Variants in RSRC1 observed in about 807,000 individuals in gnomAD.
RSRC1 encodes arginine and serine rich coiled-coil 1, also known as serine/Arginine-related protein 53.
A neutral mutation model predicts 49.1 loss-of-function variants in RSRC1; 39 were observed. The ratio of observed to expected loss-of-function variants is 0.79; its 90% CI spans 0.61 to 1.04. The LOEUF is 1.04. RSRC1 is among the 50% of genes least tolerant of loss of function. The pLI, the probability that RSRC1 is intolerant of heterozygous loss-of-function variation, is 0.00. For synonymous variants in RSRC1, 143 were observed against 130.8 expected, an observed-to-expected ratio of 1.09 and a Z score of -0.63; for missense variants, 388 against 402.4, an observed-to-expected ratio of 0.96 and a Z score of 0.31.
At chr3:158,401,413 GTTTA>G (rs1264309650) in intron 6 of RSRC1, among the ~76,000 whole-genome samples, 6 of 151,902 alleles carry the variant, frequency 3.9e-5, no homozygotes, top group African/African-American at 1.2e-4. Flanking sequence ...TTATTTCTTT[GTTTA>G]TTTATTTATT....
chr3:158,472,183 T>C (rs962142744), intron 7 of RSRC1, among the ~76,000 whole-genome samples: 1 of 152,134 alleles, frequency 6.6e-6, no homozygotes. Flanking sequence ...CAAGATAAGG[T>C]TGTTTTTTAT....
Position 158,250,939 on chromosome 3 carries a change from A to G in RSRC1, c.495-47100A>G, listed in dbSNP as rs575778786. Among the ~76,000 whole-genome samples the G allele has an allele frequency of 3.3e-5, 5 of 152,268 alleles. No homozygotes were observed. In the South Asian group the frequency reaches 8.3e-4, roughly 25 times the overall value. Reference sequence around the variant, plus strand: ...AACAATGTCCTGGAGAGTTTCTCCAATGTTTTCTTGTAGTACTTTCGTAGT... The same window carrying G: ...AACAATGTCCTGGAGAGTTTCTCCAGTGTTTTCTTGTAGTACTTTCGTAGT... On this transcript the variant is annotated intron_variant, in intron 4 of 9. Coordinates refer to ENST00000611884, the MANE Select transcript of RSRC1 (RefSeq NM_001271838.2).
intron 4 of RSRC1, chr3:158,276,437 G>A: frequency 1.4e-6 from 1 of 705,700 alleles, no homozygotes; most frequent in South Asian, 1.6e-5. Flanking sequence ...CTTACTTGAT[G>A]GCTGCCGCCA....
At chr3:158,345,297 G>A (rs1297545486) in intron 5 of RSRC1, among the ~76,000 whole-genome samples, 2 of 151,962 alleles carry the variant, frequency 1.3e-5, no homozygotes, top group African/African-American at 2.4e-5. Flanking sequence ...AATAATTACG[G>A]TAAGTGTATG....
intron 5 of RSRC1, among the ~76,000 whole-genome samples, chr3:158,328,440 ATCTC>A (rs1729316062): frequency 6.6e-6 from 1 of 150,774 alleles, no homozygotes; most frequent in African/African-American, 2.4e-5. Flanking sequence ...GGTGACAAAA[ATCTC>A]TCAGCATTTG....
Position 158,198,836 on chromosome 3 carries a change from AT to A in RSRC1, c.321-4234del, listed in dbSNP as rs1720836415. On this transcript the variant is annotated intron_variant, in intron 3 of 9. Coordinates refer to ENST00000611884, the MANE Select transcript of RSRC1 (RefSeq NM_001271838.2). ...CCCGCAAGAAATTTCTTAATATCACATTGAGAAAGTTTGTGGGTTTATGATC... is the reference window on the plus strand; with the variant it reads ...CCCGCAAGAAATTTCTTAATATCACATGAGAAAGTTTGTGGGTTTATGATC... Among the ~76,000 whole-genome samples the A allele has an allele frequency of 2.0e-5, 3 of 152,166 alleles. No homozygotes were observed. In the South Asian group the frequency reaches 6.2e-4, roughly 32 times the overall value.
chr3:158,482,731 AAGTAT>A (rs1425469256), intron 7 of RSRC1, among the ~76,000 whole-genome samples: 3 of 152,150 alleles, frequency 2.0e-5, no homozygotes, highest in Admixed American at 1.3e-4. Flanking sequence ...TAGGCCTTAG[AAGTAT>A]AGTAAACAAT....
intron 4 of RSRC1, among the ~76,000 whole-genome samples, chr3:158,284,066 C>T (rs908743569): frequency 6.7e-6 from 1 of 149,176 alleles, no homozygotes; most frequent in African/African-American, 2.5e-5. Flanking sequence ...CAACAGTCCC[C>T]AGAGTGTGAT....
chr3:158,481,612 A>G (rs1738618255), intron 7 of RSRC1, among the ~76,000 whole-genome samples: 1 of 152,202 alleles, frequency 6.6e-6, no homozygotes, highest in African/African-American at 2.4e-5. Context: ...TAGTTCCTGA[A>G]AGAGGTAGAG....
At chr3:158,264,634 G>A (rs1351219780) in intron 4 of RSRC1, among the ~76,000 whole-genome samples, 1 of 152,134 alleles carries the variant, frequency 6.6e-6, no homozygotes, top group Non-Finnish European at 1.5e-5. Context: ...GGATTTGTCT[G>A]GATAGTTTTT....
At chr3:158,511,116 T>A (rs1273208581) in intron 7 of RSRC1, among the ~76,000 whole-genome samples, 2 of 151,966 alleles carry the variant, frequency 1.3e-5, no homozygotes, top group Non-Finnish European at 2.9e-5. Context: ...TGGTTTTTTT[T>A]TTATTATACC....
At chr3:158,543,695 G>A in intron 9 of RSRC1, 2 of 446,396 alleles carry the variant, frequency 4.5e-6, no homozygotes, top group East Asian at 7.2e-5. Flanking sequence ...TGCCTAACCT[G>A]TAGAAGTATT....
intron 1 of RSRC1, among the ~76,000 whole-genome samples, chr3:158,121,853 C>T (rs1272586813): frequency 6.6e-6 from 1 of 151,978 alleles, no homozygotes; most frequent in East Asian, 1.9e-4. Context: ...AAAAGTAGTA[C>T]ATTGAGGCCA....
chr3:158,384,747 C>T (rs1310960763), intron 6 of RSRC1, among the ~76,000 whole-genome samples: 1 of 152,108 alleles, frequency 6.6e-6, no homozygotes, highest in Non-Finnish European at 1.5e-5. Flanking sequence ...AAACCCTAGC[C>T]CCTCCTTCTT....
intron 5 of RSRC1, among the ~76,000 whole-genome samples, chr3:158,336,232 C>T (rs1729880055): frequency 6.6e-6 from 1 of 152,222 alleles, no homozygotes; most frequent in Admixed American, 6.5e-5. Context: ...GCTTCAGAGG[C>T]CTCTCCATTC....
intron 4 of RSRC1, among the ~76,000 whole-genome samples, chr3:158,238,404 T>G (rs569392096): frequency 0.017 from 2,547 of 151,980 alleles, 91 homozygotes; most frequent in African/African-American, 0.059. Flanking sequence ...AACCCGCATC[T>G]CCAAGTCAAT....
chr3:158,468,094 C>T (rs1737969082), intron 7 of RSRC1, among the ~76,000 whole-genome samples: 4 of 152,104 alleles, frequency 2.6e-5, no homozygotes, highest in Admixed American at 6.6e-5. Context: ...CCACCATGCC[C>T]GGCTAATTTT....
chr3:158,233,692 G>T (rs1224450371), intron 4 of RSRC1, among the ~76,000 whole-genome samples: 2 of 151,650 alleles, frequency 1.3e-5, no homozygotes, highest in South Asian at 4.2e-4. Flanking sequence ...ATGAAATCTT[G>T]ATATATTATA....
intron 7 of RSRC1, among the ~76,000 whole-genome samples, chr3:158,498,750 G>A (rs949963021): frequency 6.6e-6 from 1 of 152,114 alleles, no homozygotes; most frequent in African/African-American, 2.4e-5. Flanking sequence ...TTTTGTACAA[G>A]GTAAGAGATG....
Sources: allele counts gnomAD v4.1 joint callset (sites outside exome capture counted in the v4.1 genomes callset), GRCh38; gene constraint gnomAD v4.1.1; transcripts MANE v1.5; gene names NCBI Gene and HGNC (gene_info 2026-07-23, HGNC 2026-07-21).